GTF3C6: variants seen among roughly 807,000 people sequenced by gnomAD.
The protein encoded by GTF3C6 is general transcription factor IIIC subunit 6.
GTF3C6 carries 11 observed loss-of-function variants against 19.2 expected under a neutral mutation model. The ratio of observed to expected loss-of-function variants is 0.57; its 90% CI spans 0.36 to 0.95. GTF3C6 has a LOEUF of 0.95. Ranked by LOEUF, GTF3C6 falls within the 40% of genes least tolerant of loss-of-function variation. GTF3C6 has a pLI of 0.01. For missense variants in GTF3C6, 222 were observed against 254.7 expected, an observed-to-expected ratio of 0.87 and a Z score of 0.87; for synonymous variants, 87 against 84.2, an observed-to-expected ratio of 1.03 and a Z score of -0.18.
intron 1 of GTF3C6, 142 bp from the exon 2 acceptor site, chr6:110,959,030 G>A: frequency 1.2e-6 from 1 of 826,546 alleles, no homozygotes; most frequent in South Asian, 1.5e-5. Flanking sequence ...GAAGTACCGG[G>A]AAGTTACCTT....
intron 5 of GTF3C6, 142 bp from the exon 6 acceptor site, chr6:110,967,368 T>C (rs1214197149): frequency 4.3e-6 from 3 of 705,030 alleles, no homozygotes; most frequent in African/African-American, 1.8e-5. Flanking sequence ...TTATCAGTAG[T>C]TACAGACACC....
chr6:110,959,691 G>C (rs1429393101), intron 2 of GTF3C6, among the ~76,000 whole-genome samples: 1 of 152,114 alleles, frequency 6.6e-6, no homozygotes, highest in African/African-American at 2.4e-5. Context: ...GCCAGGCGCG[G>C]TGGCTCACGC....
intron 2 of GTF3C6, among the ~76,000 whole-genome samples, chr6:110,959,746 C>T (rs12660134): frequency 0.25 from 37,465 of 151,604 alleles, 5,307 homozygotes; most frequent in East Asian, 0.65. Flanking sequence ...GATCACGAGC[C>T]CAGGAGTTCG....
chr6:110,962,193 C>T (rs560443170), intron 4 of GTF3C6, among the ~76,000 whole-genome samples, 199 bp from the exon 5 acceptor site: 13 of 152,228 alleles, frequency 8.5e-5, no homozygotes, highest in Admixed American at 3.3e-4. Context: ...TGTGAGCCAC[C>T]GTGCCCAGCC....
intron 5 of GTF3C6, among the ~76,000 whole-genome samples, chr6:110,963,631 C>T (rs1771192314): frequency 6.6e-6 from 1 of 151,530 alleles, no homozygotes; most frequent in African/African-American, 2.4e-5. Flanking sequence ...TCTGAATTCC[C>T]AAGGTGAAAT....
chr6:110,959,256 A>C lies in GTF3C6; in HGVS notation c.138+4A>C. On this transcript the variant is annotated splice_donor_region_variant and intron_variant, in intron 2 of 5. Transcript: ENST00000329970. ...TGAAAATAAATGCAAGGTTTTGGTG[A>C]GTTTTCTAGACTTGGGGGGATTGTT... is the stretch of plus-strand genomic sequence containing the variant. 6.4e-7 allele frequency: 1 copy of C among 1,571,452 alleles called. No individual in the cohort carries two copies. Among genetic ancestry groups the C allele is most frequent in the Non-Finnish European group, 8.8e-7 (1 of 1,142,676 alleles).
chr6:110,959,130 C>T (rs1562357571), intron 1 of GTF3C6, 42 bp from the exon 2 acceptor site: 2 of 1,411,330 alleles, frequency 1.4e-6, no homozygotes, highest in Non-Finnish European at 2.0e-6. Flanking sequence ...TCCCTCTTGG[C>T]CGCTCGCGTG....
At chr6:110,967,044 T>C (rs917532222) in intron 5 of GTF3C6, among the ~76,000 whole-genome samples, 1 of 151,906 alleles carries the variant, frequency 6.6e-6, no homozygotes, top group African/African-American at 2.4e-5. Context: ...TCCCAGCTAC[T>C]CGGGGGGCTG....
Position 110,962,334 on chromosome 6 carries a change from A to G in GTF3C6, c.248-58A>G, listed in dbSNP as rs1039106204. ...CCTACACTGGAATTACTAAGGCTTCATCTTTGTTTTATTTGATGGCATAAG... is the reference window on the plus strand; with the variant it reads ...CCTACACTGGAATTACTAAGGCTTCGTCTTTGTTTTATTTGATGGCATAAG... On this transcript the variant is annotated intron_variant, in intron 4 of 5. Transcript: ENST00000329970. 715 of 892,176 alleles carry G rather than the reference A, an allele frequency of 8.0e-4. 1 individual carries two copies. Among genetic ancestry groups the G allele is most frequent in the Non-Finnish European group, 5.8e-4 (317 of 545,036 alleles). 55.3% of individuals were successfully genotyped at this position (892,176 alleles called of 1,614,324 possible). A position where few individuals can be genotyped will look rare whatever the true frequency, so the allele number is the denominator to read the frequency against.
intron 4 of GTF3C6, among the ~76,000 whole-genome samples, chr6:110,961,295 C>T (rs1303791006): frequency 6.6e-6 from 1 of 151,688 alleles, no homozygotes. Flanking sequence ...GGATTACAGG[C>T]GCCTGCCACC....
At position 110,961,905 on chromosome 6, in the gene GTF3C6, ATTTT is replaced by A. The variant is rs67754425; in HGVS notation, c.248-477_248-474del. The stretch of plus-strand genomic sequence containing the variant: ...CAGTTGTGCTTTCAACTGTTAACGT[ATTTT>A]TTTTTTTTTCTTGAGACAGTTTTGC... On this transcript the variant is annotated intron_variant, in intron 4 of 5. Transcript: ENST00000329970. 4.1e-5 allele frequency among the ~76,000 whole-genome samples: 6 copies of A among 147,512 alleles called. No individual in the cohort carries two copies. In the East Asian group the frequency reaches 1.2e-3, roughly 29 times the overall value.
chr6:110,960,579 A>G lies in GTF3C6; in HGVS notation c.210A>G (p.Leu70=), dbSNP rs574625046. The G allele has an allele frequency of 2.2e-5, 36 of 1,613,814 alleles. 1 individual carries two copies. The South Asian group carries it at 3.5e-4, about 16-fold the overall frequency. Residue 70 remains leucine (L), a synonymous_variant, in exon 4 of 6, where the codon CTA becomes CTG. Coordinates refer to ENST00000329970, the MANE Select transcript of GTF3C6 (RefSeq NM_138408.4). ...CTTTGTATTTTTCTGCAGACACTCT[A>G]GGGACCTGTGTTATATTTGAAGAAA... is the stretch of plus-strand genomic sequence containing the variant. ...CVFAGEYEDT[L]GTCVIFEENV...
intron 1 of GTF3C6, 82 bp from the exon 2 acceptor site, chr6:110,959,090 G>C: frequency 9.5e-7 from 1 of 1,055,180 alleles, no homozygotes; most frequent in Non-Finnish European, 1.5e-6. Context: ...TTTCACAAAT[G>C]TGGGAAATTT....
chr6:110,963,107 C>T (rs766385990), intron 5 of GTF3C6, among the ~76,000 whole-genome samples: 4 of 151,950 alleles, frequency 2.6e-5, no homozygotes, highest in South Asian at 2.1e-4. Flanking sequence ...TAGTAGAGAC[C>T]GGATTTTACC....
At chr6:110,961,250 A>G (rs1163016814) in intron 4 of GTF3C6, among the ~76,000 whole-genome samples, 2 of 151,222 alleles carry the variant, frequency 1.3e-5, no homozygotes, top group Non-Finnish European at 2.9e-5. Context: ...TCCCAGGTTC[A>G]AGCAGTTCTC....
chr6:110,959,069 C>A, intron 1 of GTF3C6, 103 bp from the exon 2 acceptor site: 1 of 932,020 alleles, frequency 1.1e-6, no homozygotes, highest in Non-Finnish European at 1.8e-6. Flanking sequence ...TTGCTGAAAA[C>A]AGGGTCCGGT....
chr6:110,961,711 G>A (rs1216222668), intron 4 of GTF3C6, among the ~76,000 whole-genome samples: 1 of 152,138 alleles, frequency 6.6e-6, no homozygotes, highest in Non-Finnish European at 1.5e-5. Context: ...TAGTAAGTCT[G>A]ACTTTGGTCC....
rs773031008 is a variant in GTF3C6, at chr6:110,958,805, C to T, written c.36C>T (p.Asp12=). The T allele has an allele frequency of 6.4e-6, 10 of 1,551,130 alleles. No homozygotes were observed. The South Asian group carries it at 1.1e-4, about 17-fold the overall frequency. ...CGGCGGACGAGCGGAGTCCAGAGGA[C>T]GGAGAAGACGAGGAAGAGGAGGTAG... is the stretch of plus-strand genomic sequence containing the variant. ...AAAADERSPE[D]GEDEEEEEQL... The change falls in exon 1 of 6, where the codon GAC becomes GAT. Residue 12 remains aspartate (D), a synonymous_variant. Transcript: ENST00000329970.
rs1042607601 is a variant in GTF3C6 at position 110,964,404 on chromosome 6, C to G, written c.361+1899C>G. On this transcript the variant is annotated intron_variant, in intron 5 of 5. Coordinates refer to ENST00000329970, the MANE Select transcript of GTF3C6 (RefSeq NM_138408.4). ...AGACTACAGGCGCATGCCACCATGCCCAGCTAATTTTTGTATTTTTAGTAG... is the reference window on the plus strand; with the variant it reads ...AGACTACAGGCGCATGCCACCATGCGCAGCTAATTTTTGTATTTTTAGTAG... 2.0e-5 allele frequency among the ~76,000 whole-genome samples: 3 copies of G among 151,628 alleles called. No homozygotes were observed. The East Asian group carries it at 5.9e-4, about 30-fold the overall frequency.
Sources: allele counts gnomAD v4.1 joint callset (sites outside exome capture counted in the v4.1 genomes callset), GRCh38; gene constraint gnomAD v4.1.1; transcripts MANE v1.5; gene names NCBI Gene and HGNC (gene_info 2026-07-23, HGNC 2026-07-21).